The following SEC14L1 variants were observed in gnomAD, a reference collection of about 807,000 sequenced individuals.
SEC14L1 encodes SEC14 like lipid binding 1.
A neutral mutation model predicts 85.3 loss-of-function variants in SEC14L1; 48 were observed. The ratio of observed to expected loss-of-function variants is 0.56; its 90% CI spans 0.45 to 0.72. SEC14L1 has a LOEUF of 0.72. Among genes scored for constraint, SEC14L1 ranks in the 30% least tolerant of loss-of-function variants. The probability of loss-of-function intolerance (pLI) is 0.00; values close to 1 mark genes in which losing one functional copy is unlikely to be tolerated. For synonymous variants in SEC14L1, 391 were observed against 355.5 expected (o/e 1.10, Z -1.12); for missense variants, 682 against 921.4 (o/e 0.74, Z 3.36).
intron 3 of SEC14L1, among the ~76,000 whole-genome samples, chr17:77,132,256 C>G (rs1178684106): frequency 7.2e-6 from 1 of 138,944 alleles, no homozygotes; most frequent in Non-Finnish European, 1.5e-5. Flanking sequence ...GAGCCGGAGT[C>G]TGGCTCTGTC....
At chr17:77,138,574 C>T (rs1168032191), upstream of SEC14L1, among the ~76,000 whole-genome samples, 2 of 152,056 alleles carry the variant, frequency 1.3e-5, no homozygotes, top group African/African-American at 4.8e-5. Flanking sequence ...GAGCCAAGAT[C>T]GTGCCACTGC....
At chr17:77,150,226 G>A (rs1289248563) in intron 3 of SEC14L1, among the ~76,000 whole-genome samples, 1 of 152,174 alleles carries the variant, frequency 6.6e-6, no homozygotes, top group Non-Finnish European at 1.5e-5. Context: ...AAAGAGATTT[G>A]CTTTGAGGCC....
intron 3 of SEC14L1, among the ~76,000 whole-genome samples, chr17:77,158,427 G>A (rs781334682): frequency 6.6e-6 from 1 of 152,124 alleles, no homozygotes; most frequent in Non-Finnish European, 1.5e-5. Flanking sequence ...GACCTTTTGC[G>A]TAACTTGGTA....
chr17:77,104,884 A>G (rs1240360178), intron 3 of SEC14L1, among the ~76,000 whole-genome samples: 1 of 151,482 alleles, frequency 6.6e-6, no homozygotes, highest in Non-Finnish European at 1.5e-5. Flanking sequence ...GGTCCTGAGG[A>G]CACATACCCA....
upstream of SEC14L1, among the ~76,000 whole-genome samples, chr17:77,136,637 G>T (rs536914430): frequency 6.6e-5 from 10 of 152,212 alleles, no homozygotes; most frequent in African/African-American, 2.4e-4. Flanking sequence ...TTTGCTTATG[G>T]GTGTGCACGC....
intron 3 of SEC14L1, among the ~76,000 whole-genome samples, chr17:77,160,727 T>G (rs1034743183): frequency 6.6e-6 from 1 of 152,252 alleles, no homozygotes; most frequent in African/African-American, 2.4e-5. Context: ...TTTGTACTTT[T>G]ATTTTGATAA....
Position 77,216,488 on chromosome 17 carries a change from C to T in SEC14L1, c.*2465C>T, listed in dbSNP as rs374265632. On this transcript the variant is annotated 3_prime_UTR_variant, in exon 17 of 17. Coordinates refer to ENST00000436233, the MANE Select transcript of SEC14L1 (RefSeq NM_001143998.2). ...CTGCTTCCACCTGGTGCTTCCTGTT[C>T]CCAAATCACAAGGGCCTGAAGGTGG... The T allele has an allele frequency of 6.8e-6, 11 of 1,612,514 alleles. No homozygotes were observed. The highest frequency in any genetic ancestry group is 2.2e-5 in the South Asian group (2 of 91,034).
At chr17:77,170,587 AGAGTTT>A (rs1974482982) in intron 3 of SEC14L1, among the ~76,000 whole-genome samples, 1 of 152,204 alleles carries the variant, frequency 6.6e-6, no homozygotes, top group Non-Finnish European at 1.5e-5. Flanking sequence ...TGTCAGTATT[AGAGTTT>A]AAGTAAGGCA....
At chr17:77,152,437 G>A (rs1166241798) in intron 3 of SEC14L1, 3 of 151,718 alleles carry the variant, frequency 2.0e-5, no homozygotes, top group South Asian at 2.1e-4. Flanking sequence ...TTAGGAGGCT[G>A]AGGCAGGAGA....
At chr17:77,123,373 G>A (rs1421685534) in intron 3 of SEC14L1, among the ~76,000 whole-genome samples, 1 of 146,614 alleles carries the variant, frequency 6.8e-6, no homozygotes, top group African/African-American at 2.5e-5. Flanking sequence ...AAGACTGTGG[G>A]AACCCTTCCA....
In SEC14L1 at chr17:77,172,993, A is replaced by T. The variant is rs1974588934; in HGVS notation, c.64-17810A>T. On this transcript the variant is annotated intron_variant, in intron 3 of 16. Transcript: ENST00000436233. ...CCCAAATTGTCATAGCAGCCCTGCG[A>T]ATCATGCTCCTGTCTTCTCCTAAAA... Among the ~76,000 whole-genome samples the T allele has an allele frequency of 2.0e-5, 3 of 152,194 alleles. No individual in the cohort carries two copies. The East Asian group carries it at 5.8e-4, about 29-fold the overall frequency.
At chr17:77,159,614 C>T (rs1255270459) in intron 3 of SEC14L1, among the ~76,000 whole-genome samples, 1 of 149,806 alleles carries the variant, frequency 6.7e-6, no homozygotes, top group East Asian at 2.0e-4. Flanking sequence ...CTCCTGACCT[C>T]ATGATCTGCC....
intron 8 of SEC14L1, among the ~76,000 whole-genome samples, chr17:77,199,712 G>A (rs1006552679): frequency 2.0e-5 from 3 of 152,152 alleles, no homozygotes; most frequent in African/African-American, 7.2e-5. Context: ...TTGATGTTTA[G>A]GGAATTATTT....
intron 3 of SEC14L1, among the ~76,000 whole-genome samples, chr17:77,155,083 TG>T (rs1973746960): frequency 6.6e-6 from 1 of 152,232 alleles, no homozygotes; most frequent in African/African-American, 2.4e-5. Context: ...GCTCTCTTAC[TG>T]GGCAGCACTT....
intron 3 of SEC14L1, among the ~76,000 whole-genome samples, chr17:77,164,994 C>T (rs2411065): frequency 0.067 from 10,268 of 152,156 alleles, 445 homozygotes; most frequent in East Asian, 0.27. Flanking sequence ...CTGTGGAAAA[C>T]GTTAATGCCA....
rs111170713 is a variant in SEC14L1, at chr17:77,216,199, C to T, written c.*2176C>T. On this transcript the variant is annotated 3_prime_UTR_variant, in exon 17 of 17. Transcript: ENST00000436233. ...TAGTAGGTAGGGTTAGTAGGTAGGG[C>T]TAGTAGGTAGGGCTAGTAGGTAGGG... is the stretch of plus-strand genomic sequence containing the variant. The T allele has an allele frequency of 4.7e-3, 3,242 of 685,436 alleles. 177 individuals are homozygous for T. Among genetic ancestry groups the T allele is most frequent in the South Asian group, 0.022 (443 of 20,168 alleles). 42.5% of individuals were successfully genotyped at this position (685,436 alleles called of 1,614,324 possible). A position where few individuals can be genotyped will look rare whatever the true frequency, so the allele number is the denominator to read the frequency against.
In SEC14L1 at chr17:77,193,673, G is replaced by T. The variant is rs1598377155; in HGVS notation, c.474+124G>T. ...GCATTTCTTGGGTGGAAGATGCTAT[G>T]ATCCCTACCCCCTGCCTCATCTTTA... On this transcript the variant is annotated intron_variant, in intron 6 of 16. Transcript: ENST00000436233. The T allele has an allele frequency of 2.2e-5, 22 of 1,006,666 alleles. No homozygotes were observed. The South Asian group carries it at 3.6e-4, about 16-fold the overall frequency. 62.4% of individuals were successfully genotyped at this position (1,006,666 alleles called of 1,614,324 possible).
intron 6 of SEC14L1, 25 bp downstream of exon 6, chr17:77,193,574 G>A: frequency 1.3e-6 from 2 of 1,596,622 alleles, no homozygotes; most frequent in Non-Finnish European, 1.7e-6. Context: ...GGATTTTGTG[G>A]CAGAGGGTGG....
intron 3 of SEC14L1, among the ~76,000 whole-genome samples, chr17:77,096,087 A>G (rs1598212156): frequency 7.2e-6 from 1 of 139,668 alleles, no homozygotes. Flanking sequence ...AATAGAGATG[A>G]GGTCTCACTG....
Sources: allele counts gnomAD v4.1 joint callset (sites outside exome capture counted in the v4.1 genomes callset), GRCh38; gene constraint gnomAD v4.1.1; transcripts MANE v1.5; gene names NCBI Gene and HGNC (gene_info 2026-07-23, HGNC 2026-07-21).